ASIC2: variants seen among roughly 807,000 people sequenced by gnomAD.
ASIC2 encodes acid sensing ion channel subunit 2.
Under a neutral mutation model 57.3 loss-of-function variants are expected in ASIC2, and 25 were observed. That is an observed-to-expected ratio of 0.44 (90% CI 0.32 to 0.61). The LOEUF (loss-of-function observed/expected upper bound fraction) is 0.61, where lower values mean the gene tolerates loss of function less well. Ranked by LOEUF, ASIC2 falls within the 20% of genes least tolerant of loss-of-function variation. ASIC2 has a pLI of 0.06. For synonymous variants in ASIC2, 319 were observed against 307.5 expected, an observed-to-expected ratio of 1.04 and a Z score of -0.39; for missense variants, 641 against 738.1, an observed-to-expected ratio of 0.87 and a Z score of 1.52.
chr17:33,191,624 A>T (rs1466917180), intron 1 of ASIC2, among the ~76,000 whole-genome samples: 1 of 151,964 alleles, frequency 6.6e-6, no homozygotes, highest in Non-Finnish European at 1.5e-5. Context: ...AATGAGGAGG[A>T]GGAGGAGGAG....
At chr17:33,620,943 T>G (rs1299457594) in intron 1 of ASIC2, among the ~76,000 whole-genome samples, 2 of 151,376 alleles carry the variant, frequency 1.3e-5, no homozygotes, top group Non-Finnish European at 2.9e-5. Flanking sequence ...ATGGACCCGC[T>G]GGCCGTCCTT....
At chr17:33,446,164 G>T (rs1912011041) in intron 1 of ASIC2, among the ~76,000 whole-genome samples, 2 of 152,040 alleles carry the variant, frequency 1.3e-5, no homozygotes, top group Admixed American at 1.3e-4. Flanking sequence ...GTGGAAGTAG[G>T]CATGTTGACC....
At chr17:33,315,013 C>G (rs1906586337) in intron 1 of ASIC2, among the ~76,000 whole-genome samples, 1 of 152,158 alleles carries the variant, frequency 6.6e-6, no homozygotes. Context: ...GCTTTGGCAT[C>G]AGAGAAACTT....
At chr17:33,609,279 C>T (rs541130995) in intron 1 of ASIC2, among the ~76,000 whole-genome samples, 3 of 152,336 alleles carry the variant, frequency 2.0e-5, no homozygotes, top group African/African-American at 7.2e-5. Context: ...ACACTGACGG[C>T]TTCCCAATGC....
At chr17:33,670,525 G>A (rs767314094) in intron 1 of ASIC2, among the ~76,000 whole-genome samples, 1 of 152,182 alleles carries the variant, frequency 6.6e-6, no homozygotes, top group Non-Finnish European at 1.5e-5. Flanking sequence ...AGGCTTCCTG[G>A]AACAGGGGAA....
At position 34,151,790 on chromosome 17, in the gene ASIC2, A is replaced by T. The variant is rs540320318; in HGVS notation, c.555+4188T>A. Among the ~76,000 whole-genome samples, 277 of 152,280 alleles carry T rather than the reference A, an allele frequency of 1.8e-3. 1 individual carries two copies. Among genetic ancestry groups the T allele is most frequent in the African/African-American group, 6.3e-3 (261 of 41,560 alleles). ...GGACACTAAGCAAAGCAAGAGGCCT[A>T]CCCTGCTCTAGGCACCTGCCACATA... On this transcript the variant is annotated intron_variant, in intron 1 of 9. Transcript: ENST00000359872.
intron 1 of ASIC2, among the ~76,000 whole-genome samples, chr17:33,697,981 G>T (rs6505369): frequency 0.29 from 43,530 of 152,048 alleles, 6,476 homozygotes; most frequent in African/African-American, 0.36. Context: ...GTTCAATTAA[G>T]ATTTGTTGAT....
At chr17:33,198,063 T>C (rs1906709556) in intron 1 of ASIC2, among the ~76,000 whole-genome samples, 1 of 152,146 alleles carries the variant, frequency 6.6e-6, no homozygotes, top group Non-Finnish European at 1.5e-5. Context: ...AAAACTAACA[T>C]CATAGACTTG....
At chr17:33,127,060 G>A (rs1400386230) in intron 1 of ASIC2, among the ~76,000 whole-genome samples, 9 of 150,602 alleles carry the variant, frequency 6.0e-5, no homozygotes, top group South Asian at 4.3e-4. Flanking sequence ...TAGTAGAGAC[G>A]GGGTTTCACC....
chr17:33,603,743 A>G (rs1905163441), intron 1 of ASIC2, among the ~76,000 whole-genome samples: 1 of 152,218 alleles, frequency 6.6e-6, no homozygotes, highest in African/African-American at 2.4e-5. Flanking sequence ...GCTGTAAAAG[A>G]TAAACTCCTA....
chr17:34,070,985 A>G (rs1372685060), intron 1 of ASIC2: 1 of 152,170 alleles, frequency 6.6e-6, no homozygotes, highest in Non-Finnish European at 1.5e-5. Flanking sequence ...CTCTAATTCC[A>G]TGGCCCAGTC....
At chr17:33,164,279 C>G (rs540741625) in intron 1 of ASIC2, among the ~76,000 whole-genome samples, 2 of 152,196 alleles carry the variant, frequency 1.3e-5, no homozygotes, top group Non-Finnish European at 2.9e-5. Context: ...CTCACCTCAC[C>G]TTTGGCAGAA....
chr17:33,331,372 T>A (rs931240193), intron 1 of ASIC2, among the ~76,000 whole-genome samples: 3 of 152,238 alleles, frequency 2.0e-5, no homozygotes, highest in Non-Finnish European at 4.4e-5. Context: ...GATGTTAAGA[T>A]GTTACATTTA....
At chr17:33,738,681 GT>G (rs2142096087) in intron 1 of ASIC2, among the ~76,000 whole-genome samples, 1 of 152,188 alleles carries the variant, frequency 6.6e-6, no homozygotes, top group Non-Finnish European at 1.5e-5. Context: ...CTCAATCCTT[GT>G]TTCTGACCTG....
rs1387823158 is a variant in ASIC2, at chr17:33,813,574, C to T, written c.555+342404G>A. Among the ~76,000 whole-genome samples, 7 of 152,248 alleles carry T rather than the reference C, an allele frequency of 4.6e-5. No individual in the cohort carries two copies. The South Asian group carries it at 1.5e-3, about 32-fold the overall frequency. On this transcript the variant is annotated intron_variant, in intron 1 of 9. Transcript: ENST00000359872. Reference sequence around the variant, plus strand: ...GCCTCAGCCTCCTGAGTAGCTGGGACTACAGGCGCCCGCCACCAAGCCCGG... The same window carrying T: ...GCCTCAGCCTCCTGAGTAGCTGGGATTACAGGCGCCCGCCACCAAGCCCGG...
At chr17:33,326,616 C>T (rs564813206) in intron 1 of ASIC2, among the ~76,000 whole-genome samples, 1 of 152,200 alleles carries the variant, frequency 6.6e-6, no homozygotes, top group Non-Finnish European at 1.5e-5. Context: ...ACTTCTCAAC[C>T]CAAACACCCC....
intron 1 of ASIC2, among the ~76,000 whole-genome samples, chr17:33,210,607 G>A (rs1325995383): frequency 6.6e-6 from 1 of 152,130 alleles, no homozygotes; most frequent in African/African-American, 2.4e-5. Context: ...TATTTGCATC[G>A]CACATGCTGA....
At chr17:33,138,434 C>T (rs1281143539) in intron 1 of ASIC2, among the ~76,000 whole-genome samples, 1 of 152,184 alleles carries the variant, frequency 6.6e-6, no homozygotes, top group Non-Finnish European at 1.5e-5. Flanking sequence ...CCAGAGATTA[C>T]ACCCAGCAAT....
At chr17:33,750,339 C>T (rs941149321) in intron 1 of ASIC2, among the ~76,000 whole-genome samples, 3 of 152,032 alleles carry the variant, frequency 2.0e-5, no homozygotes, top group Non-Finnish European at 2.9e-5. Context: ...GAGGGGGAAA[C>T]GGTGGTTCCT....
Sources: allele counts gnomAD v4.1 joint callset (sites outside exome capture counted in the v4.1 genomes callset), GRCh38; gene constraint gnomAD v4.1.1; transcripts MANE v1.5; gene names NCBI Gene and HGNC (gene_info 2026-07-23, HGNC 2026-07-21).